Variants in ZFPM2 observed in about 807,000 individuals in gnomAD.
The protein encoded by ZFPM2 is zinc finger protein, FOG family member 2, also known as zinc finger protein ZFPM2.
A neutral mutation model predicts 98.6 loss-of-function variants in ZFPM2; 20 were observed. The observed-to-expected ratio is 0.20, with a 90% CI of 0.14 to 0.29. The LOEUF is 0.29. Ranked by LOEUF, ZFPM2 falls within the 10% of genes least tolerant of loss-of-function variation. ZFPM2 has a pLI of 1.00. For synonymous variants in ZFPM2, 518 were observed against 502.7 expected (o/e 1.03, Z -0.41); for missense variants, 1,310 against 1,388.6 (o/e 0.94, Z 0.90).
At chr8:105,532,954 T>G (rs913879254) in intron 3 of ZFPM2, among the ~76,000 whole-genome samples, 1 of 152,158 alleles carries the variant, frequency 6.6e-6, no homozygotes. Context: ...GCAGGGAATG[T>G]CTGTATCACT....
At chr8:105,375,272 G>T (rs1006242194) in intron 1 of ZFPM2, among the ~76,000 whole-genome samples, 3 of 152,050 alleles carry the variant, frequency 2.0e-5, no homozygotes, top group South Asian at 4.1e-4. Flanking sequence ...AATCTAACAG[G>T]GTCCTTCATT....
intron 4 of ZFPM2, among the ~76,000 whole-genome samples, chr8:105,606,007 A>G (rs568174493): frequency 2.6e-5 from 4 of 152,178 alleles, no homozygotes; most frequent in Admixed American, 6.6e-5. Context: ...GTGACTGGTC[A>G]TTTGGTTTTA....
At chr8:105,330,623 T>TACACAC (rs1563607011) in intron 1 of ZFPM2, among the ~76,000 whole-genome samples, 1 of 89,840 alleles carries the variant, frequency 1.1e-5, no homozygotes, top group Non-Finnish European at 2.3e-5. Context: ...CATATATATA[T>TACACAC]ATATATATAC....
intron 1 of ZFPM2, among the ~76,000 whole-genome samples, chr8:105,335,669 T>A (rs72671655): frequency 0.025 from 3,860 of 151,844 alleles, 79 homozygotes; most frequent in Middle Eastern, 0.071. Flanking sequence ...GTGGTTTTCA[T>A]GATGATAAAG....
intron 1 of ZFPM2, among the ~76,000 whole-genome samples, chr8:105,397,112 A>G (rs1035503849): frequency 1.3e-5 from 2 of 152,064 alleles, no homozygotes; most frequent in African/African-American, 4.8e-5. Flanking sequence ...TGCTTCTGCC[A>G]TTTCATTAGT....
At chr8:105,671,182 T>C (rs1175989713) in intron 5 of ZFPM2, among the ~76,000 whole-genome samples, 3 of 152,138 alleles carry the variant, frequency 2.0e-5, no homozygotes, top group African/African-American at 7.2e-5. Context: ...CCATACAATA[T>C]TGTAGTATAT....
At chr8:105,599,318 T>G (rs1241991063) in intron 4 of ZFPM2, among the ~76,000 whole-genome samples, 1 of 151,366 alleles carries the variant, frequency 6.6e-6, no homozygotes, top group Non-Finnish European at 1.5e-5. Context: ...ATAGTTTGCC[T>G]GCAGTTTCCT....
intron 5 of ZFPM2, among the ~76,000 whole-genome samples, chr8:105,773,712 T>TAAAC (rs997532208): frequency 1.3e-5 from 2 of 150,948 alleles, no homozygotes; most frequent in African/African-American, 4.8e-5. Flanking sequence ...ATAAATAAAA[T>TAAAC]AAACAAAACC....
In ZFPM2 at chr8:105,788,878, T is replaced by G; in HGVS notation, c.693T>G (p.Pro231=). 1 of 1,613,866 alleles carries G rather than the reference T, an allele frequency of 6.2e-7. No homozygotes were observed. Among genetic ancestry groups the G allele is most frequent in the Non-Finnish European group, 8.5e-7 (1 of 1,179,848 alleles). ...TGCTGGACTCAATTCAGCTGCTTCC[T>G]CAGCAAGCTGCCATGGCTTCTATTT... ...ARLLDSIQLL[P]QQAAMASILP... is the part of the protein sequence containing the mutation. Residue 231 remains proline, a synonymous_variant, in exon 6 of 8, where the codon CCT becomes CCG. Coordinates refer to ENST00000407775, the MANE Select transcript of ZFPM2 (RefSeq NM_012082.4).
intron 1 of ZFPM2, chr8:105,418,686 A>C: frequency 2.0e-6 from 1 of 499,268 alleles, no homozygotes; most frequent in Non-Finnish European, 3.9e-6. Flanking sequence ...TTTTAAAAGT[A>C]TAGACTTTAT....
chr8:105,761,794 T>C (rs1183446419), intron 5 of ZFPM2, among the ~76,000 whole-genome samples: 1 of 151,984 alleles, frequency 6.6e-6, no homozygotes, highest in African/African-American at 2.4e-5. Context: ...GTATAACATT[T>C]TGTAAAAAGT....
At chr8:105,468,371 A>G (rs144411664) in intron 3 of ZFPM2, among the ~76,000 whole-genome samples, 9 of 152,074 alleles carry the variant, frequency 5.9e-5, no homozygotes, top group African/African-American at 1.7e-4. Flanking sequence ...CTTCATATGT[A>G]TCAACCCTCT....
At chr8:105,584,442 G>C (rs1036246040) in intron 4 of ZFPM2, among the ~76,000 whole-genome samples, 1 of 152,014 alleles carries the variant, frequency 6.6e-6, no homozygotes, top group African/African-American at 2.4e-5. Context: ...GATGAGTAGG[G>C]GGTTTAGGCC....
intron 4 of ZFPM2, among the ~76,000 whole-genome samples, chr8:105,621,229 G>A (rs540632293): frequency 6.6e-6 from 1 of 152,098 alleles, no homozygotes; most frequent in Non-Finnish European, 1.5e-5. Context: ...AGTTCTCCTT[G>A]AAGAGTCCTT....
intron 1 of ZFPM2, among the ~76,000 whole-genome samples, chr8:105,343,961 C>T (rs1442754886): frequency 1.3e-5 from 2 of 152,120 alleles, no homozygotes; most frequent in African/African-American, 4.8e-5. Flanking sequence ...CACAGTTCCA[C>T]ATGGCTGGAG....
chr8:105,594,930 A>G (rs1453918794), intron 4 of ZFPM2, among the ~76,000 whole-genome samples: 4 of 152,128 alleles, frequency 2.6e-5, no homozygotes, highest in Non-Finnish European at 5.9e-5. Flanking sequence ...ACATATAACT[A>G]TAGTATCATA....
chr8:105,719,953 T>C (rs1381366501), intron 5 of ZFPM2, among the ~76,000 whole-genome samples: 1 of 151,938 alleles, frequency 6.6e-6, no homozygotes, highest in East Asian at 1.9e-4. Context: ...ATTGGATAAC[T>C]TGCATTTAGA....
At chr8:105,790,029 G>A (rs1037206174) in intron 6 of ZFPM2, among the ~76,000 whole-genome samples, 1 of 151,678 alleles carries the variant, frequency 6.6e-6, no homozygotes, top group Non-Finnish European at 1.5e-5. Context: ...CTCCCATTTT[G>A]TAGGTTGCCT....
At chr8:105,633,677 A>G (rs951453442) in intron 4 of ZFPM2, among the ~76,000 whole-genome samples, 12 of 152,146 alleles carry the variant, frequency 7.9e-5, no homozygotes, top group Admixed American at 1.3e-4. Flanking sequence ...TCTGGAGACA[A>G]TGTATGGTGC....
Sources: allele counts gnomAD v4.1 joint callset (sites outside exome capture counted in the v4.1 genomes callset), GRCh38; gene constraint gnomAD v4.1.1; transcripts MANE v1.5; gene names NCBI Gene and HGNC (gene_info 2026-07-23, HGNC 2026-07-21).